TMEM38A: variants seen among roughly 807,000 people sequenced by gnomAD.
TMEM38A encodes the protein trimeric intracellular cation channel type A.
TMEM38A carries 17 observed loss-of-function variants against 28.6 expected under a neutral mutation model. That is an observed-to-expected ratio of 0.60 (90% CI 0.41 to 0.89). The LOEUF (loss-of-function observed/expected upper bound fraction) is 0.89, where lower values mean the gene tolerates loss of function less well. TMEM38A is among the 40% of genes least tolerant of loss of function. The pLI is 0.00. For missense variants in TMEM38A, 328 were observed against 393.1 expected, an observed-to-expected ratio of 0.83 and a Z score of 1.40; for synonymous variants, 169 against 166.1, an observed-to-expected ratio of 1.02 and a Z score of -0.14.
chr19:16,671,937 A>G (rs1397142786), intron 1 of TMEM38A, among the ~76,000 whole-genome samples: 4 of 152,320 alleles, frequency 2.6e-5, no homozygotes, highest in African/African-American at 9.6e-5. Flanking sequence ...TCTGCAAAAC[A>G]TGGGTGCCTC....
chr19:16,680,758 T>G, intron 3 of TMEM38A, 177 bp downstream of exon 3: 1 of 609,088 alleles, frequency 1.6e-6, no homozygotes, highest in Non-Finnish European at 2.9e-6. Flanking sequence ...AATGGGAAGA[T>G]TCTTCTAGAA....
intron 1 of TMEM38A, among the ~76,000 whole-genome samples, chr19:16,678,428 A>C (rs1214107241): frequency 3.4e-5 from 3 of 88,958 alleles, no homozygotes; most frequent in Admixed American, 2.5e-4. Flanking sequence ...ACTCTGTCTC[A>C]AAAAAAAAAA....
chr19:16,686,453 C>CTGGAGG, intron 5 of TMEM38A, 48 bp downstream of exon 5: 1 of 1,485,218 alleles, frequency 6.7e-7, no homozygotes, highest in Non-Finnish European at 9.3e-7. Flanking sequence ...CAATGCCACC[C>CTGGAGG]TGCCACCTCC....
At chr19:16,674,039 T>C (rs923263965) in intron 1 of TMEM38A, among the ~76,000 whole-genome samples, 2 of 151,890 alleles carry the variant, frequency 1.3e-5, no homozygotes, top group Admixed American at 1.3e-4. Context: ...TGAGCTATGA[T>C]TGCATCACTG....
At chr19:16,683,020 C>A (rs2086788027) in intron 4 of TMEM38A, among the ~76,000 whole-genome samples, 1 of 152,116 alleles carries the variant, frequency 6.6e-6, no homozygotes, top group Non-Finnish European at 1.5e-5. Flanking sequence ...GTCGCCCAGG[C>A]TTGAGTATGC....
rs866565846 is a variant in TMEM38A, at chr19:16,674,660, G to A, written c.125-5324G>A. 5.3e-5 allele frequency among the ~76,000 whole-genome samples: 8 copies of A among 152,082 alleles called. No individual in the cohort carries two copies. The East Asian group carries it at 5.8e-4, about 11-fold the overall frequency. ...ACTAAAAATACAAAATTAGCCGGGC[G>A]TGGTGGTCCATGCCTGTAATCCTAG... On this transcript the variant is annotated intron_variant, in intron 1 of 5. Coordinates refer to ENST00000187762, the MANE Select transcript of TMEM38A (RefSeq NM_024074.4).
At chr19:16,677,732 A>AT (rs1318835340) in intron 1 of TMEM38A, among the ~76,000 whole-genome samples, 3 of 151,894 alleles carry the variant, frequency 2.0e-5, no homozygotes, top group Non-Finnish European at 2.9e-5. Flanking sequence ...AATTTTTAAA[A>AT]TTTTTTGCAG....
chr19:16,689,003 C>CAAA lies in TMEM38A; in HGVS notation c.*647_*649dup, dbSNP rs3033525. 3.6e-4 allele frequency: 51 copies of CAAA among 142,560 alleles called. No individual in the cohort carries two copies. Among genetic ancestry groups the CAAA allele is most frequent in the East Asian group, 1.5e-3 (7 of 4,674 alleles). The allele number at this position is 142,560 out of a possible 1,614,324, so 8.8% of individuals were successfully genotyped here. On this transcript the variant is annotated 3_prime_UTR_variant, in exon 6 of 6. Transcript: ENST00000187762. ...ACCTGTCTCCAGCAAGACCCTGTCT[C>CAAA]AAAAAAAAAAAAAAAAATTGCATAT...
At chr19:16,672,131 TC>T (rs1431036878) in intron 1 of TMEM38A, among the ~76,000 whole-genome samples, 1 of 151,986 alleles carries the variant, frequency 6.6e-6, no homozygotes, top group Admixed American at 6.6e-5. Context: ...GGCTCATAAC[TC>T]CAGGGTGAGG....
chr19:16,664,691 C>T (rs2086695832), intron 1 of TMEM38A, among the ~76,000 whole-genome samples: 1 of 151,892 alleles, frequency 6.6e-6, no homozygotes, highest in African/African-American at 2.4e-5. Context: ...GGAGTTGGAG[C>T]TCAACTGCGC....
At chr19:16,677,926 A>T (rs1373264880) in intron 1 of TMEM38A, among the ~76,000 whole-genome samples, 1 of 152,180 alleles carries the variant, frequency 6.6e-6, no homozygotes, top group Non-Finnish European at 1.5e-5. Context: ...AATAAGCCAC[A>T]CAAAACAACA....
intron 5 of TMEM38A, among the ~76,000 whole-genome samples, chr19:16,687,287 G>A (rs1292472360): frequency 1.3e-5 from 2 of 150,810 alleles, no homozygotes; most frequent in African/African-American, 2.4e-5. Flanking sequence ...AGCTAAGATC[G>A]CACCACCGCA....
At position 16,661,270 on chromosome 19, in the gene TMEM38A, G is replaced by A; in HGVS notation, c.53G>A (p.Arg18Gln). The A allele has an allele frequency of 6.3e-7, 1 of 1,597,614 alleles. No individual in the cohort carries two copies. Among genetic ancestry groups the A allele is most frequent in the African/African-American group, 1.4e-5 (1 of 73,734 alleles). ...GGCGAACTGGCGCTCAGCTTCTCGC[G>A]GGTGCCGCTCTTCCCCGTCTTCGAC... ...SLGELALSFS[R>Q]VPLFPVFDLS... The change falls in exon 1 of 6, where the codon CGG becomes CAG. Residue 18 changes from arginine (R) to glutamine (Q), a missense_variant. Physicochemically the swap from Arg to Gln is conservative, Grantham distance 43 (BLOSUM62 1). Coordinates refer to ENST00000187762, the MANE Select transcript of TMEM38A (RefSeq NM_024074.4). This position sits in a 1 kb window ranked among gnomAD's most constrained non-coding sequence, Gnocchi z 6.5.
In TMEM38A at chr19:16,688,407, AC is replaced by A. The variant is rs1195084036; in HGVS notation, c.*39del. ...AAGGGGCACCGGGGAGAGGACCCGG[AC>A]CCAGGACCCTCTGAGCTGGGAGGCT... On this transcript the variant is annotated 3_prime_UTR_variant, in exon 6 of 6. Coordinates refer to ENST00000187762, the MANE Select transcript of TMEM38A (RefSeq NM_024074.4). 6.8e-7 allele frequency: 1 copy of A among 1,465,844 alleles called. No individual in the cohort carries two copies. The highest frequency in any genetic ancestry group is 9.0e-7 in the Non-Finnish European group (1 of 1,106,800). 90.8% of individuals were successfully genotyped at this position (1,465,844 alleles called of 1,614,324 possible). A position where few individuals can be genotyped will look rare whatever the true frequency, so the allele number is the denominator to read the frequency against.
chr19:16,661,361 T>C lies in TMEM38A; in HGVS notation c.124+20T>C. Reference sequence around the variant, plus strand: ...AGCCAGGTGAGCCGGGGCGGGGGGCTGGAGGGGACCGGCAGCGGGTGGCGC... The same window carrying C: ...AGCCAGGTGAGCCGGGGCGGGGGGCCGGAGGGGACCGGCAGCGGGTGGCGC... On this transcript the variant is annotated intron_variant, in intron 1 of 5. Transcript: ENST00000187762. The surrounding 1 kb of genome is among the most constrained non-coding windows in gnomAD (Gnocchi z 6.5). 6.6e-7 allele frequency: 1 copy of C among 1,520,686 alleles called. No individual in the cohort carries two copies. Among genetic ancestry groups the C allele is most frequent in the Non-Finnish European group, 8.9e-7 (1 of 1,129,786 alleles). The allele number at this position is 1,520,686 out of a possible 1,614,324, so 94.2% of individuals were successfully genotyped here.
Position 16,686,403 on chromosome 19 carries a change from A to G in TMEM38A, c.670A>G (p.Lys224Glu). 6.2e-7 allele frequency: 1 copy of G among 1,611,894 alleles called. No homozygotes were observed. The highest frequency in any genetic ancestry group is 1.1e-5 in the South Asian group (1 of 91,030). Residue 224 changes from lysine to glutamate, a missense_variant and splice_region_variant, in exon 5 of 6, where the codon AAG becomes GAG. By Grantham distance (56) the Lys-to-Glu change is moderately conservative (BLOSUM62 1). Transcript: ENST00000187762. The stretch of plus-strand genomic sequence containing the variant: ...CTTCACCTTGTTCATGGTGTCCTGT[A>G]AGGTAAGCCTTTCTCTTCTTGCAGC... ...FIFTLFMVSC[K>E]VFLTATHSHS...
Position 16,688,175 on chromosome 19 carries a change from C to T in TMEM38A, c.704C>T (p.Ser235Phe), listed in dbSNP as rs749222636. 1 of 1,468,304 alleles carries T rather than the reference C, an allele frequency of 6.8e-7. No individual in the cohort carries two copies. Among genetic ancestry groups the T allele is most frequent in the Non-Finnish European group, 9.1e-7 (1 of 1,101,522 alleles). 91.0% of individuals were successfully genotyped at this position (1,468,304 alleles called of 1,614,324 possible). The change falls in exon 6 of 6, where the codon TCC (serine) becomes TTC (phenylalanine). Residue 235 changes from serine to phenylalanine, a missense_variant. By Grantham distance (155) the Ser-to-Phe change is radical. Coordinates refer to ENST00000187762, the MANE Select transcript of TMEM38A (RefSeq NM_024074.4). ...CTGACAGCCACCCACTCACACAGCT[C>T]CCCCTTTGATGCCCTGGAGGGCTAC... Reference protein sequence around the residue: ...VFLTATHSHSSPFDALEGYIC... With the variant: ...VFLTATHSHSFPFDALEGYIC...
chr19:16,672,189 A>G (rs986472597), intron 1 of TMEM38A, among the ~76,000 whole-genome samples: 3 of 152,120 alleles, frequency 2.0e-5, no homozygotes, highest in Non-Finnish European at 2.9e-5. Flanking sequence ...GAGTTAGACA[A>G]AGAAGCAACG....
At chr19:16,673,777 A>G (rs1223761087) in intron 1 of TMEM38A, among the ~76,000 whole-genome samples, 1 of 152,092 alleles carries the variant, frequency 6.6e-6, no homozygotes, top group Non-Finnish European at 1.5e-5. Context: ...AGAGAAGGTC[A>G]TTGTTGTTAC....
Sources: gnomAD v4.1 joint callset for allele counts (sites outside exome capture counted in the v4.1 genomes callset) on GRCh38, gnomAD v4.1.1 for gene constraint, Gnocchi (gnomAD v3.1) non-coding constraint, MANE v1.5 for transcripts, NCBI Gene and HGNC (gene_info 2026-07-23, HGNC 2026-07-21) for gene names.